Variants in STXBP3 observed in about 807,000 individuals in gnomAD.
STXBP3 encodes syntaxin-binding protein 3.
Under a neutral mutation model 85.7 loss-of-function variants are expected in STXBP3, and 41 were observed. The observed-to-expected ratio is 0.48, with a 90% CI of 0.37 to 0.62. The LOEUF (loss-of-function observed/expected upper bound fraction) is 0.62, where lower values mean the gene tolerates loss of function less well. STXBP3 is among the 20% of genes least tolerant of loss of function. The pLI is 0.00. For missense variants in STXBP3, 563 were observed against 703.1 expected, an observed-to-expected ratio of 0.80 and a Z score of 2.25; for synonymous variants, 229 against 231.7, an observed-to-expected ratio of 0.99 and a Z score of 0.10.
At chr1:108,747,583 A>G (rs1051872292) in intron 1 of STXBP3, among the ~76,000 whole-genome samples, 16 of 152,256 alleles carry the variant, frequency 1.1e-4, no homozygotes, top group African/African-American at 3.6e-4. Context: ...AGGAATAACC[A>G]TCATTGTTTG....
Position 108,746,822 on chromosome 1 carries a change from G to A in STXBP3, c.49+36G>A, listed in dbSNP as rs1166987867. 10 of 1,427,020 alleles carry A rather than the reference G, an allele frequency of 7.0e-6. No homozygotes were observed. The East Asian group carries it at 2.5e-4, about 36-fold the overall frequency. The allele number at this position is 1,427,020 out of a possible 1,614,324, so 88.4% of individuals were successfully genotyped here. On this transcript the variant is annotated intron_variant, in intron 1 of 18. Coordinates refer to ENST00000370008, the MANE Select transcript of STXBP3 (RefSeq NM_007269.4). Reference sequence around the variant, plus strand: ...TGGGGTAGGGGTTGAGAGAGGGAAGGCCGGGAGGCTGCCGTGCCGGGCCTC... The same window carrying A: ...TGGGGTAGGGGTTGAGAGAGGGAAGACCGGGAGGCTGCCGTGCCGGGCCTC...
At chr1:108,773,147 A>C (rs796871498) in intron 7 of STXBP3, among the ~76,000 whole-genome samples, 4 of 152,308 alleles carry the variant, frequency 2.6e-5, no homozygotes, top group African/African-American at 9.6e-5. Context: ...CAACAAATTT[A>C]AATGACCATA....
chr1:108,807,374 CT>C (rs753281658), intron 17 of STXBP3, 26 bp from the exon 18 acceptor site: 39,457 of 915,032 alleles, frequency 0.043, no homozygotes, highest in East Asian at 0.06. Context: ...AACATGTTTA[CT>C]TTTTTTTTTT....
At chr1:108,801,585 C>T (rs1341086837) in intron 17 of STXBP3, among the ~76,000 whole-genome samples, 1 of 152,030 alleles carries the variant, frequency 6.6e-6, no homozygotes, top group African/African-American at 2.4e-5. Flanking sequence ...CCATCCTCTA[C>T]TGATCAAGCT....
At chr1:108,749,006 T>C (rs1322215950) in intron 1 of STXBP3, among the ~76,000 whole-genome samples, 1 of 151,910 alleles carries the variant, frequency 6.6e-6, no homozygotes, top group East Asian at 1.9e-4. Flanking sequence ...AAACAAAGGG[T>C]TGTATTTCAG....
At chr1:108,771,238 A>T (rs1475555114) in intron 6 of STXBP3, among the ~76,000 whole-genome samples, 1 of 150,014 alleles carries the variant, frequency 6.7e-6, no homozygotes, top group Non-Finnish European at 1.5e-5. Context: ...GAAATAAAGG[A>T]TGAAATCAGG....
At chr1:108,785,352 A>G (rs900407193) in intron 11 of STXBP3, among the ~76,000 whole-genome samples, 6 of 152,222 alleles carry the variant, frequency 3.9e-5, no homozygotes, top group Admixed American at 2.6e-4. Flanking sequence ...CACCACGTGT[A>G]AGCCACCAGC....
intron 15 of STXBP3, among the ~76,000 whole-genome samples, chr1:108,797,744 T>G (rs76842632): frequency 5.4e-5 from 8 of 147,214 alleles, no homozygotes; most frequent in South Asian, 4.3e-4. Flanking sequence ...TGTGTGTGTG[T>G]TTTTTTTTTG....
intron 6 of STXBP3, among the ~76,000 whole-genome samples, chr1:108,765,086 C>A (rs1312267716): frequency 6.6e-6 from 1 of 152,148 alleles, no homozygotes; most frequent in Non-Finnish European, 1.5e-5. Context: ...CAGTTTCAGT[C>A]TTCTGCATGT....
rs941651595 is a variant in STXBP3, at chr1:108,805,573, C to T, written c.1536-1828C>T. Among the ~76,000 whole-genome samples the T allele has an allele frequency of 9.9e-5, 15 of 152,108 alleles. No individual in the cohort carries two copies. In the East Asian group the frequency reaches 2.5e-3, roughly 25 times the overall value. On this transcript the variant is annotated intron_variant, in intron 17 of 18. Coordinates refer to ENST00000370008, the MANE Select transcript of STXBP3 (RefSeq NM_007269.4). ...CTGAGTAACTGGGACTACAGGCATG[C>T]GCCACCATGCCCAGCTAATTTTTGT... is the stretch of plus-strand genomic sequence containing the variant.
Position 108,808,790 on chromosome 1 carries a change from A to G in STXBP3, c.1692A>G (p.Thr564=). 6.2e-7 allele frequency: 1 copy of G among 1,612,432 alleles called. No individual in the cohort carries two copies. The highest frequency in any genetic ancestry group is 8.5e-7 in the Non-Finnish European group (1 of 1,179,322). ...HKSCEVIIGS[T]HVLTPKKLLD... Reference sequence around the variant, plus strand: ...TCTCTTTTCTCCTACCAGGTTCTACACATGTTTTAACACCCAAAAAGCTGT... The same window carrying G: ...TCTCTTTTCTCCTACCAGGTTCTACGCATGTTTTAACACCCAAAAAGCTGT... The change falls in exon 19 of 19, where the codon ACA becomes ACG. Residue 564 remains threonine, a synonymous_variant. Transcript: ENST00000370008.
intron 17 of STXBP3, 49 bp downstream of exon 17, chr1:108,800,354 T>C: frequency 1.4e-6 from 2 of 1,384,168 alleles, no homozygotes; most frequent in Non-Finnish European, 2.1e-6. Flanking sequence ...TACGGACTAA[T>C]AATTTAAAAT....
intron 6 of STXBP3, chr1:108,767,156 ATCT>A (rs1662281163): frequency 3.5e-6 from 1 of 288,652 alleles, no homozygotes; most frequent in Admixed American, 4.7e-5. Flanking sequence ...CACAAGCCTC[ATCT>A]TCTCCCTCTG....
chr1:108,779,319 C>T lies in STXBP3; in HGVS notation c.718C>T (p.Arg240Cys), dbSNP rs1570762463. 1 of 1,612,864 alleles carries T rather than the reference C, an allele frequency of 6.2e-7. No individual in the cohort carries two copies. The highest frequency in any genetic ancestry group is 8.5e-7 in the Non-Finnish European group (1 of 1,179,278). Reference sequence around the variant, plus strand: ...TCATTCACAGCTCTTAATAATTGATCGTGGCTTTGATCCTGTGTCCACTGT... The same window carrying T: ...TCATTCACAGCTCTTAATAATTGATTGTGGCTTTGATCCTGTGTCCACTGT... ...KTHSQLLIID[R>C]GFDPVSTVLH... Residue 240 changes from arginine (R) to cysteine (C), a missense_variant, in exon 9 of 19, where the codon CGT (arginine) becomes TGT (cysteine). By Grantham distance (180) the Arg-to-Cys change is radical. Transcript: ENST00000370008.
chr1:108,763,860 G>T (rs1317921332), intron 6 of STXBP3, among the ~76,000 whole-genome samples: 1 of 152,086 alleles, frequency 6.6e-6, no homozygotes, highest in Non-Finnish European at 1.5e-5. Context: ...GGGATCACAG[G>T]CATGAGCCAC....
In STXBP3 at chr1:108,755,164, AGCTGGGTACAATGACTCAT is replaced by A. The variant is rs1390442025; in HGVS notation, c.182-1523_182-1505del. Among the ~76,000 whole-genome samples, 5 of 152,084 alleles carry A rather than the reference AGCTGGGTACAATGACTCAT, an allele frequency of 3.3e-5. No individual in the cohort carries two copies. The South Asian group carries it at 8.3e-4, about 25-fold the overall frequency. ...TAAAACCTTAAAAAAAATAAACTGA[AGCTGGGTACAATGACTCAT>A]GCCTGTAATCCCAGCACTTCGGGAG... On this transcript the variant is annotated intron_variant, in intron 3 of 18. Coordinates refer to ENST00000370008, the MANE Select transcript of STXBP3 (RefSeq NM_007269.4).
chr1:108,802,776 C>A (rs536136427), intron 17 of STXBP3, among the ~76,000 whole-genome samples: 4 of 152,290 alleles, frequency 2.6e-5, no homozygotes, highest in African/African-American at 9.6e-5. Flanking sequence ...ATCTCCTGAC[C>A]ACCTTATTCT....
rs114603602 is a variant in STXBP3 at position 108,760,832 on chromosome 1, A to C, written c.438+747A>C. Among the ~76,000 whole-genome samples the C allele has an allele frequency of 8.0e-3, 1,211 of 152,310 alleles. 19 individuals are homozygous for C. Among genetic ancestry groups the C allele is most frequent in the African/African-American group, 0.028 (1,154 of 41,568 alleles). On this transcript the variant is annotated intron_variant, in intron 6 of 18. Coordinates refer to ENST00000370008, the MANE Select transcript of STXBP3 (RefSeq NM_007269.4). Reference sequence around the variant, plus strand: ...TGTTTGGAACTATGATCAATATTTTAAGGGATAGACAAGTCCTAGACAAGG... The same window carrying C: ...TGTTTGGAACTATGATCAATATTTTCAGGGATAGACAAGTCCTAGACAAGG...
chr1:108,769,288 A>T (rs1263923918), intron 6 of STXBP3, among the ~76,000 whole-genome samples: 1 of 151,882 alleles, frequency 6.6e-6, no homozygotes, highest in Non-Finnish European at 1.5e-5. Context: ...TTGCTGTCTC[A>T]TGGGGTGGCA....
Sources: allele counts gnomAD v4.1 joint callset (sites outside exome capture counted in the v4.1 genomes callset), GRCh38; gene constraint gnomAD v4.1.1; transcripts MANE v1.5; gene names NCBI Gene and HGNC (gene_info 2026-07-23, HGNC 2026-07-21).